The following SHISA9 variants were observed in gnomAD, a reference collection of about 807,000 sequenced individuals.
SHISA9 encodes protein shisa-9.
In SHISA9, 13 loss-of-function variants were observed where a neutral mutation model predicts 38.0. The observed-to-expected ratio is 0.34, with a 90% CI of 0.22 to 0.54. SHISA9 has a LOEUF of 0.54. SHISA9 is among the 20% of genes least tolerant of loss of function. SHISA9 has a pLI of 0.91. For missense variants in SHISA9, 538 were observed against 575.8 expected (o/e 0.93, Z 0.67); for synonymous variants, 275 against 242.0 (o/e 1.14, Z -1.27).
intron 2 of SHISA9, among the ~76,000 whole-genome samples, chr16:13,196,786 G>A (rs1029477896): frequency 1.3e-5 from 2 of 152,160 alleles, no homozygotes; most frequent in African/African-American, 4.8e-5. Flanking sequence ...ATAGTAAAGA[G>A]TTTGTTTAAA....
At chr16:13,348,916 C>T in the SHISA9 span, among the ~76,000 whole-genome samples, 1 of 152,064 alleles carries the variant, frequency 6.6e-6, no homozygotes, top group Non-Finnish European at 1.5e-5. Context: ...CCATTTGCCT[C>T]GGACTAACAT....
the SHISA9 span, among the ~76,000 whole-genome samples, chr16:13,264,293 G>A: frequency 1.3e-5 from 2 of 150,780 alleles, no homozygotes; most frequent in African/African-American, 4.9e-5. Flanking sequence ...TTGTGCCTCA[G>A]CCTCCCAAAT....
chr16:12,910,716 T>C (rs1403809658), intron 1 of SHISA9: 6 of 985,320 alleles, frequency 6.1e-6, no homozygotes, highest in Non-Finnish European at 6.0e-6. Flanking sequence ...CTTAGCTTCT[T>C]CTTCAGGTAA....
chr16:13,274,429 A>C, the SHISA9 span, among the ~76,000 whole-genome samples: 76 of 152,234 alleles, frequency 5.0e-4, no homozygotes, highest in African/African-American at 1.8e-3. Flanking sequence ...CTTGAAAAAA[A>C]TTTTCTTTCC....
chr16:13,008,570 G>A (rs960676967), intron 2 of SHISA9, among the ~76,000 whole-genome samples: 5 of 151,684 alleles, frequency 3.3e-5, no homozygotes, highest in Non-Finnish European at 7.4e-5. Context: ...ACGAGATCTG[G>A]TTGTTTGATA....
At chr16:13,484,618 G>A in the SHISA9 span, among the ~76,000 whole-genome samples, 1 of 152,138 alleles carries the variant, frequency 6.6e-6, no homozygotes, top group Non-Finnish European at 1.5e-5. Flanking sequence ...AAAACTACCT[G>A]AGACTGGGTA....
the SHISA9 span, among the ~76,000 whole-genome samples, chr16:13,262,716 G>GGAAA: frequency 7.6e-6 from 1 of 131,954 alleles, no homozygotes; most frequent in Non-Finnish European, 1.6e-5. Flanking sequence ...AAGGAAAGAA[G>GGAAA]GAAGAGGCAG....
At chr16:12,920,132 C>G (rs1451625998) in intron 2 of SHISA9, among the ~76,000 whole-genome samples, 2 of 149,532 alleles carry the variant, frequency 1.3e-5, no homozygotes, top group Non-Finnish European at 3.0e-5. Context: ...CATTTGTGTT[C>G]ACAGCACACT....
intron 2 of SHISA9, among the ~76,000 whole-genome samples, chr16:13,055,963 A>G (rs1165251602): frequency 6.6e-6 from 1 of 152,174 alleles, no homozygotes; most frequent in Non-Finnish European, 1.5e-5. Context: ...ACTGTTGCTG[A>G]TGTCACACAT....
chr16:13,206,102 G>A (rs2051061267), intron 3 of SHISA9, among the ~76,000 whole-genome samples: 1 of 151,974 alleles, frequency 6.6e-6, no homozygotes, highest in African/African-American at 2.4e-5. Context: ...TTTCCAACAT[G>A]GAGTCCTCAC....
chr16:12,930,050 T>A (rs367916403), intron 2 of SHISA9, among the ~76,000 whole-genome samples: 5 of 152,286 alleles, frequency 3.3e-5, no homozygotes, highest in African/African-American at 1.2e-4. Context: ...TTCATCATAG[T>A]TCATATACTA....
intron 2 of SHISA9, among the ~76,000 whole-genome samples, chr16:13,166,163 T>A (rs2050633935): frequency 6.6e-6 from 1 of 152,238 alleles, no homozygotes; most frequent in Non-Finnish European, 1.5e-5. Context: ...AAGGTCCTGA[T>A]AAATGAAGCC....
At chr16:12,976,418 C>G (rs1456298344) in intron 2 of SHISA9, among the ~76,000 whole-genome samples, 1 of 152,064 alleles carries the variant, frequency 6.6e-6, no homozygotes, top group Non-Finnish European at 1.5e-5. Context: ...ATGGGTGTGG[C>G]TCTTTGGATT....
chr16:13,473,082 T>A, the SHISA9 span, among the ~76,000 whole-genome samples: 40,203 of 152,062 alleles, frequency 0.26, 5,467 homozygotes, highest in African/African-American at 0.31. Flanking sequence ...CCTTGTTGGA[T>A]TCTGACTAAC....
At chr16:13,467,189 C>T in the SHISA9 span, among the ~76,000 whole-genome samples, 5 of 151,962 alleles carry the variant, frequency 3.3e-5, no homozygotes, top group Admixed American at 6.6e-5. Flanking sequence ...AAGAGACTGA[C>T]CTGTGAATCA....
intron 2 of SHISA9, among the ~76,000 whole-genome samples, chr16:13,146,688 A>G (rs1165829460): frequency 6.6e-6 from 1 of 152,332 alleles, no homozygotes; most frequent in Middle Eastern, 3.4e-3. Flanking sequence ...CAGAAGTACA[A>G]AAAGTTTAAA....
At chr16:13,019,869 TCC>T (rs1567183982) in intron 2 of SHISA9, among the ~76,000 whole-genome samples, 21 of 32,660 alleles carry the variant, frequency 6.4e-4, no homozygotes, top group African/African-American at 2.9e-3. Context: ...CCTCCCTCCC[TCC>T]CTCCCTCCCT....
the SHISA9 span, among the ~76,000 whole-genome samples, chr16:13,385,494 A>G: frequency 1.4e-5 from 2 of 147,380 alleles, no homozygotes; most frequent in African/African-American, 5.0e-5. Context: ...TATCCATACC[A>G]TGAAATAGTA....
chr16:13,442,756 C>G, the SHISA9 span, among the ~76,000 whole-genome samples: 4 of 152,072 alleles, frequency 2.6e-5, no homozygotes, highest in East Asian at 5.8e-4. Context: ...GAGTCTGAGA[C>G]CAACCTGGCC....
Sources: gnomAD v4.1 joint callset for allele counts (sites outside exome capture counted in the v4.1 genomes callset) on GRCh38, gnomAD v4.1.1 for gene constraint, MANE v1.5 for transcripts, NCBI Gene and HGNC (gene_info 2026-07-23, HGNC 2026-07-21) for gene names.